The following FAIM2 variants were observed in gnomAD, a reference collection of about 807,000 sequenced individuals.
FAIM2 encodes the protein Fas apoptotic inhibitory molecule 2, also known as protein lifeguard 2.
A neutral mutation model predicts 47.4 loss-of-function variants in FAIM2; 27 were observed. The observed-to-expected ratio is 0.57, with a 90% CI of 0.42 to 0.78. The LOEUF (loss-of-function observed/expected upper bound fraction) is 0.78, where lower values mean the gene tolerates loss of function less well. Ranked by LOEUF, FAIM2 falls within the 30% of genes least tolerant of loss-of-function variation. The probability of loss-of-function intolerance (pLI) is 0.00; values close to 1 mark genes in which losing one functional copy is unlikely to be tolerated. For missense variants in FAIM2, 311 were observed against 389.4 expected (o/e 0.80, Z 1.69); for synonymous variants, 156 against 159.3 (o/e 0.98, Z 0.16).
At chr12:49,881,040 T>C (rs942818243) in intron 11 of FAIM2, among the ~76,000 whole-genome samples, 1 of 152,164 alleles carries the variant, frequency 6.6e-6, no homozygotes, top group Non-Finnish European at 1.5e-5. Flanking sequence ...AGCTGTATTA[T>C]GTCTCTCCAT....
In FAIM2 at chr12:49,878,473, T is replaced by C. The variant is rs1247473829; in HGVS notation, c.802-7820A>G. Among the ~76,000 whole-genome samples, 5 of 101,454 alleles carry C rather than the reference T, an allele frequency of 4.9e-5. 2 individuals are homozygous for C. Among genetic ancestry groups the C allele is most frequent in the Non-Finnish European group, 6.5e-5 (3 of 46,182 alleles). 66.6% of individuals were successfully genotyped at this position (101,454 alleles called of 152,430 possible). ...GTGAATGTGTATGCATGTATGTGTG[T>C]GTGCATGTGTGTATATGTATGTGCA... On this transcript the variant is annotated intron_variant, in intron 11 of 11. Coordinates refer to ENST00000320634, the MANE Select transcript of FAIM2 (RefSeq NM_012306.4).
intron 11 of FAIM2, among the ~76,000 whole-genome samples, chr12:49,877,072 T>G (rs1893492): frequency 0.31 from 46,554 of 152,096 alleles, 7,798 homozygotes; most frequent in Middle Eastern, 0.39. Flanking sequence ...TGCCTCTTCC[T>G]GGCTCTGCTC....
Position 49,897,197 on chromosome 12 carries a change from G to A in FAIM2, c.381-113C>T, listed in dbSNP as rs567412770. ...TCACAGAACTTGAGAGGAAGCCAAA[G>A]GAATGCAGCCCCTGGAGGCTCGGGG... On this transcript the variant is annotated intron_variant, in intron 4 of 11. Coordinates refer to ENST00000320634, the MANE Select transcript of FAIM2 (RefSeq NM_012306.4). 70 of 949,242 alleles carry A rather than the reference G, an allele frequency of 7.4e-5. 2 individuals carry two copies. The South Asian group carries it at 9.1e-4, about 12-fold the overall frequency. The allele number at this position is 949,242 out of a possible 1,614,324, so 58.8% of individuals were successfully genotyped here. A position where few individuals can be genotyped will look rare whatever the true frequency, so the allele number is the denominator to read the frequency against.
At chr12:49,900,899 C>G (rs1167369951) in intron 2 of FAIM2, among the ~76,000 whole-genome samples, 1 of 152,322 alleles carries the variant, frequency 6.6e-6, no homozygotes. Context: ...AAAAAATGCC[C>G]TCTTCCCTAT....
chr12:49,892,849 G>A (rs1946909673), intron 5 of FAIM2, among the ~76,000 whole-genome samples: 1 of 152,176 alleles, frequency 6.6e-6, no homozygotes, highest in South Asian at 2.1e-4. Context: ...TGTTCAACAG[G>A]TTAGAGGGGA....
intron 11 of FAIM2, among the ~76,000 whole-genome samples, chr12:49,881,884 G>A (rs1315530208): frequency 2.6e-5 from 4 of 152,206 alleles, no homozygotes; most frequent in Non-Finnish European, 4.4e-5. Context: ...GAGACGCCTC[G>A]CCTGCCACCC....
chr12:49,873,695 G>T (rs1946717615), intron 11 of FAIM2, among the ~76,000 whole-genome samples: 1 of 152,106 alleles, frequency 6.6e-6, no homozygotes, highest in South Asian at 2.1e-4. Context: ...TTTTCTCTTG[G>T]AGAGAAGAGG....
intron 11 of FAIM2, among the ~76,000 whole-genome samples, chr12:49,878,133 AGT>A (rs922221084): frequency 1.0e-5 from 1 of 96,954 alleles, no homozygotes; most frequent in African/African-American, 4.1e-5. Flanking sequence ...TGTGCATGTG[AGT>A]GTGCATGTGA....
chr12:49,892,094 C>T (rs763249870), intron 5 of FAIM2, among the ~76,000 whole-genome samples: 33 of 152,288 alleles, frequency 2.2e-4, no homozygotes, highest in Non-Finnish European at 4.0e-4. Flanking sequence ...CATCCACAAA[C>T]CTCCCAGGCC....
At chr12:49,880,149 T>C (rs1451054230) in intron 11 of FAIM2, among the ~76,000 whole-genome samples, 1 of 151,244 alleles carries the variant, frequency 6.6e-6, no homozygotes, top group Non-Finnish European at 1.5e-5. Context: ...TATGTGAGTG[T>C]ATGTGTGTGC....
chr12:49,871,316 C>T (rs1216333489), intron 11 of FAIM2, among the ~76,000 whole-genome samples: 1 of 152,214 alleles, frequency 6.6e-6, no homozygotes, highest in East Asian at 1.9e-4. Flanking sequence ...TGTAAACATT[C>T]TGCCCTGCTG....
At chr12:49,878,062 G>A (rs1444960338) in intron 11 of FAIM2, among the ~76,000 whole-genome samples, 2 of 10,768 alleles carry the variant, frequency 1.9e-4, no homozygotes, top group Admixed American at 1.3e-3. Flanking sequence ...GTATATGTGC[G>A]TGTATGTGTG....
intron 9 of FAIM2, 80 bp downstream of exon 9, chr12:49,889,401 G>T: frequency 7.4e-7 from 1 of 1,357,464 alleles, no homozygotes; most frequent in Non-Finnish European, 1.1e-6. Flanking sequence ...CCAGGTCCGA[G>T]CTCTGAGGCC....
At chr12:49,902,679 GGCCTCCCACT>G (rs762490272) in intron 1 of FAIM2, 196 of 147,540 alleles carry the variant, frequency 1.3e-3, no homozygotes, top group Non-Finnish European at 8.7e-4. Context: ...ACACTCCCCA[GGCCTCCCACT>G]GCCTCCCACT....
Position 49,874,008 on chromosome 12 carries a change from T to C in FAIM2, c.802-3355A>G, listed in dbSNP as rs1290338181. On this transcript the variant is annotated intron_variant, in intron 11 of 11. Coordinates refer to ENST00000320634, the MANE Select transcript of FAIM2 (RefSeq NM_012306.4). This position sits in a 1 kb window ranked among gnomAD's most constrained non-coding sequence, Gnocchi z 4.2. ...TTTACAGGGGAAAGTCATCTGCTGCTATCTCCTTGGAGATGGAAAGCATTG... is the reference window on the plus strand; with the variant it reads ...TTTACAGGGGAAAGTCATCTGCTGCCATCTCCTTGGAGATGGAAAGCATTG... 6.6e-6 allele frequency among the ~76,000 whole-genome samples: 1 copy of C among 152,260 alleles called. No homozygotes were observed. The highest frequency in any genetic ancestry group is 6.5e-5 in the Admixed American group (1 of 15,284).
intron 8 of FAIM2, 103 bp downstream of exon 8, chr12:49,890,014 C>A: frequency 8.4e-7 from 1 of 1,185,770 alleles, no homozygotes; most frequent in South Asian, 1.3e-5. Flanking sequence ...CCGGGCCCAT[C>A]CACATGCTCC....
At chr12:49,894,028 C>T (rs1946918493) in intron 5 of FAIM2, among the ~76,000 whole-genome samples, 1 of 152,194 alleles carries the variant, frequency 6.6e-6, no homozygotes, top group African/African-American at 2.4e-5. Flanking sequence ...GCAGAGGGGC[C>T]AAAGACCCTG....
At chr12:49,898,498 TGA>T (rs2137107035) in intron 2 of FAIM2, among the ~76,000 whole-genome samples, 1 of 152,336 alleles carries the variant, frequency 6.6e-6, no homozygotes, top group South Asian at 2.1e-4. Context: ...GCAAAGATCC[TGA>T]CCCTTGCTCA....
chr12:49,867,403 GA>G lies in FAIM2; in HGVS notation c.*3100del, dbSNP rs1946670890. 2 of 152,276 alleles carry G rather than the reference GA, an allele frequency of 1.3e-5. No individual in the cohort carries two copies. The highest frequency in any genetic ancestry group is 4.8e-5 in the African/African-American group (2 of 41,460). 9.4% of individuals were successfully genotyped at this position (152,276 alleles called of 1,614,324 possible). On this transcript the variant is annotated 3_prime_UTR_variant, in exon 12 of 12. Coordinates refer to ENST00000320634, the MANE Select transcript of FAIM2 (RefSeq NM_012306.4). ...AGGGAAGGAGGCAAGGAGCCTTTTG[GA>G]AAATGGGTGTCTGTCCCATCCTGAC...
Sources: allele counts gnomAD v4.1 joint callset (sites outside exome capture counted in the v4.1 genomes callset), GRCh38; gene constraint gnomAD v4.1.1; non-coding constraint Gnocchi (gnomAD v3.1); transcripts MANE v1.5; gene names NCBI Gene and HGNC (gene_info 2026-07-23, HGNC 2026-07-21).